The following RAB8B variants were observed in gnomAD, a reference collection of about 807,000 sequenced individuals.
RAB8B encodes the protein RAB8B, member RAS oncogene family.
A neutral mutation model predicts 32.0 loss-of-function variants in RAB8B; 11 were observed. That is an observed-to-expected ratio of 0.34 (90% CI 0.22 to 0.57). The LOEUF (loss-of-function observed/expected upper bound fraction) is 0.57, where lower values mean the gene tolerates loss of function less well. Ranked by LOEUF, RAB8B falls within the 20% of genes least tolerant of loss-of-function variation. The probability of loss-of-function intolerance (pLI) is 0.86; values close to 1 mark genes in which losing one functional copy is unlikely to be tolerated. For synonymous variants in RAB8B, 103 were observed against 89.6 expected, an observed-to-expected ratio of 1.15 and a Z score of -0.85; for missense variants, 190 against 258.5, an observed-to-expected ratio of 0.73 and a Z score of 1.82.
intron 1 of RAB8B, among the ~76,000 whole-genome samples, chr15:63,203,101 T>TA (rs1221074637): frequency 1.3e-5 from 2 of 152,244 alleles, no homozygotes; most frequent in Admixed American, 6.5e-5. Context: ...AGTGTGGGAC[T>TA]ATGGAAGACA....
At chr15:63,234,429 A>G (rs937514263) in intron 1 of RAB8B, among the ~76,000 whole-genome samples, 1 of 152,160 alleles carries the variant, frequency 6.6e-6, no homozygotes, top group Non-Finnish European at 1.5e-5. Context: ...TCCCTTTACC[A>G]TGTTCAATTA....
At chr15:63,214,503 G>C (rs988582774) in intron 1 of RAB8B, among the ~76,000 whole-genome samples, 9 of 151,974 alleles carry the variant, frequency 5.9e-5, no homozygotes, top group African/African-American at 2.2e-4. Context: ...TGTTGGCCAG[G>C]CTGGTCTTGA....
chr15:63,209,243 T>C (rs1019814272), intron 1 of RAB8B, among the ~76,000 whole-genome samples: 3 of 151,924 alleles, frequency 2.0e-5, no homozygotes, highest in African/African-American at 7.2e-5. Flanking sequence ...TTTGTACCTA[T>C]TTGGTGCTTG....
chr15:63,208,211 C>T (rs1052808688), intron 1 of RAB8B, among the ~76,000 whole-genome samples: 2 of 152,294 alleles, frequency 1.3e-5, no homozygotes, highest in East Asian at 3.9e-4. Flanking sequence ...TTACAGGAAT[C>T]CTAAACTCTA....
intron 1 of RAB8B, among the ~76,000 whole-genome samples, chr15:63,194,560 G>A (rs140243813): frequency 6.6e-6 from 1 of 152,234 alleles, no homozygotes; most frequent in Non-Finnish European, 1.5e-5. Context: ...CACATTAGGA[G>A]ATCAAAGTGT....
intron 3 of RAB8B, among the ~76,000 whole-genome samples, chr15:63,251,881 G>A (rs1332491904): frequency 6.6e-6 from 1 of 152,096 alleles, no homozygotes; most frequent in Non-Finnish European, 1.5e-5. Flanking sequence ...TTTTCAGCAA[G>A]TGGTGGTTAT....
intron 1 of RAB8B, among the ~76,000 whole-genome samples, chr15:63,201,096 G>A (rs1372728230): frequency 2.0e-5 from 3 of 152,022 alleles, no homozygotes; most frequent in Non-Finnish European, 4.4e-5. Flanking sequence ...TACTATATTG[G>A]TTTGTCAGTC....
intron 1 of RAB8B, among the ~76,000 whole-genome samples, chr15:63,196,300 T>C (rs1595731872): frequency 6.6e-6 from 1 of 152,358 alleles, no homozygotes. Flanking sequence ...TACTTTAAAA[T>C]AGATCCTTTA....
intron 1 of RAB8B, among the ~76,000 whole-genome samples, chr15:63,234,846 C>T (rs2037964875): frequency 6.6e-6 from 1 of 152,246 alleles, no homozygotes; most frequent in Non-Finnish European, 1.5e-5. Context: ...AAAATCAGAA[C>T]TCCTTTGTTC....
At chr15:63,219,187 A>G (rs1461240416) in intron 1 of RAB8B, among the ~76,000 whole-genome samples, 2 of 151,230 alleles carry the variant, frequency 1.3e-5, no homozygotes, top group Non-Finnish European at 2.9e-5. Context: ...AGTCCCAGTT[A>G]CTCAGGAGGC....
At chr15:63,202,018 C>T (rs12912452) in intron 1 of RAB8B, among the ~76,000 whole-genome samples, 32,525 of 146,554 alleles carry the variant, frequency 0.22, 4,396 homozygotes, top group East Asian at 0.65. Flanking sequence ...TTTGGGAGGC[C>T]GAGGCGGGCG....
intron 1 of RAB8B, among the ~76,000 whole-genome samples, chr15:63,233,822 C>T (rs1208420267): frequency 2.6e-5 from 4 of 151,864 alleles, no homozygotes; most frequent in Non-Finnish European, 5.9e-5. Flanking sequence ...TCCTTTTTAA[C>T]TGTAAAAGCA....
At chr15:63,223,853 C>A in intron 1 of RAB8B, 1 of 432,914 alleles carries the variant, frequency 2.3e-6, no homozygotes, top group Non-Finnish European at 4.6e-6. Flanking sequence ...TATAGTGCGG[C>A]CTCACATAGA....
Position 63,248,874 on chromosome 15 carries a change from C to T in RAB8B, c.186-771C>T, listed in dbSNP as rs1319351557. ...AGCACAGGGAATGAATTAGTTCTGG[C>T]TGGAAGTGGGAAATTTGAGAATATT... On this transcript the variant is annotated intron_variant, in intron 2 of 7. Transcript: ENST00000321437. The surrounding 1 kb of genome is among the most constrained non-coding windows in gnomAD (Gnocchi z 4.4). Among the ~76,000 whole-genome samples, 4 of 152,048 alleles carry T rather than the reference C, an allele frequency of 2.6e-5. No homozygotes were observed. The highest frequency in any genetic ancestry group is 5.9e-5 in the Non-Finnish European group (4 of 68,016).
At chr15:63,243,210 G>A (rs2038046398) in intron 1 of RAB8B, among the ~76,000 whole-genome samples, 1 of 152,202 alleles carries the variant, frequency 6.6e-6, no homozygotes, top group Admixed American at 6.5e-5. Flanking sequence ...GTAATGGGGA[G>A]CAGCTGTAAA....
intron 1 of RAB8B, among the ~76,000 whole-genome samples, chr15:63,232,731 A>G (rs757220690): frequency 1.3e-5 from 2 of 152,094 alleles, no homozygotes; most frequent in Non-Finnish European, 2.9e-5. Flanking sequence ...TTTGCTGACC[A>G]TTTGTCCCCC....
chr15:63,220,499 T>C (rs1272608435), intron 1 of RAB8B, among the ~76,000 whole-genome samples: 2 of 152,022 alleles, frequency 1.3e-5, no homozygotes, highest in Non-Finnish European at 2.9e-5. Flanking sequence ...AACATGAGAA[T>C]AGAAGAGAGT....
intron 1 of RAB8B, among the ~76,000 whole-genome samples, chr15:63,231,306 CTAAA>C (rs1251605167): frequency 5.9e-5 from 9 of 152,090 alleles, no homozygotes; most frequent in Non-Finnish European, 1.0e-4. Flanking sequence ...TCATTTACCT[CTAAA>C]TGAATGGAAA....
At chr15:63,201,199 G>A (rs1037473959) in intron 1 of RAB8B, among the ~76,000 whole-genome samples, 2 of 152,216 alleles carry the variant, frequency 1.3e-5, no homozygotes, top group Non-Finnish European at 2.9e-5. Context: ...ACGGGAAAGA[G>A]TTAATGAATA....
Sources: allele counts gnomAD v4.1 joint callset (sites outside exome capture counted in the v4.1 genomes callset), GRCh38; gene constraint gnomAD v4.1.1; non-coding constraint Gnocchi (gnomAD v3.1); transcripts MANE v1.5; gene names NCBI Gene and HGNC (gene_info 2026-07-23, HGNC 2026-07-21).